MEAK7: variants seen among roughly 807,000 people sequenced by gnomAD.
MEAK7 encodes MTOR-associated protein MEAK7.
MEAK7 carries 68 observed loss-of-function variants against 40.5 expected under a neutral mutation model. The ratio of observed to expected loss-of-function variants is 1.68; its 90% confidence interval spans 1.38 to 2.06. The LOEUF is 2.06. Ranked by LOEUF, MEAK7 falls within the 30% of genes most tolerant of loss-of-function variation. The pLI is 0.00. For missense variants in MEAK7, 918 were observed against 580.5 expected, an observed-to-expected ratio of 1.58 and a Z score of -5.98; for synonymous variants, 338 against 231.9, an observed-to-expected ratio of 1.46 and a Z score of -4.16.
rs565242328 is a variant in MEAK7, at chr16:84,495,674, C to A, written c.384+9G>T. ...GAGGAGGCTGCAAAGGACCTCGCGG[C>A]CTCACTACCTTTTGGACTTCTCTGG... On this transcript the variant is annotated intron_variant, in intron 3 of 7. Coordinates refer to ENST00000343629, the MANE Select transcript of MEAK7 (RefSeq NM_020947.4). The A allele has an allele frequency of 4.5e-5, 72 of 1,614,036 alleles. 1 individual carries two copies. The East Asian group carries it at 1.1e-3, about 25-fold the overall frequency.
intron 2 of MEAK7, chr16:84,497,457 T>G: frequency 7.8e-7 from 1 of 1,289,862 alleles, no homozygotes; most frequent in Non-Finnish European, 1.0e-6. Context: ...ACGTCATGGT[T>G]CCTGGACCGA....
chr16:84,497,919 G>A lies in MEAK7; in HGVS notation c.153+15C>T. On this transcript the variant is annotated intron_variant, in intron 2 of 7. Coordinates refer to ENST00000343629, the MANE Select transcript of MEAK7 (RefSeq NM_020947.4). ...TGCTCCCAACTAAACATGAACCACG[G>A]GTTGTTACTCTTGCCTGTAGTGCCT... 6.2e-7 allele frequency: 1 copy of A among 1,614,144 alleles called. No homozygotes were observed. Among genetic ancestry groups the A allele is most frequent in the Non-Finnish European group, 8.5e-7 (1 of 1,180,024 alleles).
In MEAK7 at chr16:84,497,953, A is replaced by G. The variant is rs200259993; in HGVS notation, c.134T>C (p.Phe45Ser). Reference protein sequence around the residue: ...KNSPNVSSKSFSLKALQNHVG... With the variant: ...KNSPNVSSKSSSLKALQNHVG... ...TCTTGCCTGTAGTGCCTTCAGAGAG[A>G]AGGATTTGGATGAGACATTCGGGCT... Residue 45 changes from phenylalanine to serine, a missense_variant, in exon 2 of 8, where the codon TTC becomes TCC. By Grantham distance (155) the Phe-to-Ser change is radical (BLOSUM62 -2). Coordinates refer to ENST00000343629, the MANE Select transcript of MEAK7 (RefSeq NM_020947.4). 214 of 1,614,036 alleles carry G rather than the reference A, an allele frequency of 1.3e-4. No individual in the cohort carries two copies. Among genetic ancestry groups the G allele is most frequent in the Non-Finnish European group, 1.8e-4 (209 of 1,180,034 alleles).
At chr16:84,490,659 TG>T (rs1913513926) in intron 3 of MEAK7, among the ~76,000 whole-genome samples, 3 of 128,098 alleles carry the variant, frequency 2.3e-5, no homozygotes, top group African/African-American at 1.1e-4. Flanking sequence ...TCAAGATGTG[TG>T]TGTGTGTGTG....
chr16:84,485,739 G>A (rs1442114187), intron 5 of MEAK7, among the ~76,000 whole-genome samples: 1 of 152,198 alleles, frequency 6.6e-6, no homozygotes, highest in Non-Finnish European at 1.5e-5. Flanking sequence ...CTGGAGTGCG[G>A]TGGTATGATC....
intron 5 of MEAK7, among the ~76,000 whole-genome samples, chr16:84,483,740 G>A (rs566408784): frequency 6.6e-6 from 1 of 152,310 alleles, no homozygotes; most frequent in Admixed American, 6.5e-5. Flanking sequence ...AGGCTTCTGG[G>A]AGGCAGCTTC....
chr16:84,497,956 G>A lies in MEAK7; in HGVS notation c.131C>T (p.Ser44Phe), dbSNP rs150414475. Residue 44 changes from serine to phenylalanine, a missense_variant, in exon 2 of 8, where the codon TCC becomes TTC. By Grantham distance (155) the Ser-to-Phe change is radical. Coordinates refer to ENST00000343629, the MANE Select transcript of MEAK7 (RefSeq NM_020947.4). ...TGCCTGTAGTGCCTTCAGAGAGAAG[G>A]ATTTGGATGAGACATTCGGGCTGTT... is the stretch of plus-strand genomic sequence containing the variant. ...DKNSPNVSSK[S>F]FSLKALQNHV... 829 of 1,614,222 alleles carry A rather than the reference G, an allele frequency of 5.1e-4. 4 individuals are homozygous for A. The African/African-American group carries it at 0.01, about 20-fold the overall frequency.
At chr16:84,496,581 G>C (rs1238240595) in intron 2 of MEAK7, among the ~76,000 whole-genome samples, 1 of 152,164 alleles carries the variant, frequency 6.6e-6, no homozygotes, top group Non-Finnish European at 1.5e-5. Flanking sequence ...CTCATCGTGA[G>C]CCGTATCAGT....
At chr16:84,489,827 A>C (rs1777503427) in intron 3 of MEAK7, among the ~76,000 whole-genome samples, 1 of 152,150 alleles carries the variant, frequency 6.6e-6, no homozygotes, top group Non-Finnish European at 1.5e-5. Flanking sequence ...TGCTTCCAAA[A>C]AGGAAGGCAA....
rs147640080 is a variant in MEAK7, at chr16:84,499,320, G to C, written c.-25-1209C>G. Reference sequence around the variant, plus strand: ...TTTTCCGGAAACCCAGTGTCAATGAGACTGCTGGAGAGAAAACGACCTTCT... The same window carrying C: ...TTTTCCGGAAACCCAGTGTCAATGACACTGCTGGAGAGAAAACGACCTTCT... On this transcript the variant is annotated intron_variant, in intron 1 of 7. Transcript: ENST00000343629. Among the ~76,000 whole-genome samples the C allele has an allele frequency of 1.3e-4, 20 of 152,286 alleles. 1 individual carries two copies. The highest frequency in any genetic ancestry group is 4.3e-4 in the African/African-American group (18 of 41,558).
chr16:84,498,736 A>C (rs1433255971), intron 1 of MEAK7, among the ~76,000 whole-genome samples: 1 of 152,204 alleles, frequency 6.6e-6, no homozygotes, highest in African/African-American at 2.4e-5. Context: ...GGACAAAAAA[A>C]TCTGTATTTT....
At chr16:84,504,129 C>G (rs1039688918) in intron 1 of MEAK7, 13 of 985,404 alleles carry the variant, frequency 1.3e-5, no homozygotes, top group Middle Eastern at 1.0e-3. Context: ...GGCCTGGGAA[C>G]AGTTATCAGC....
intron 3 of MEAK7, among the ~76,000 whole-genome samples, chr16:84,494,568 C>T (rs937716627): frequency 6.6e-6 from 1 of 152,278 alleles, no homozygotes; most frequent in African/African-American, 2.4e-5. Context: ...GAACCATTTT[C>T]GTACCTGCCT....
At chr16:84,497,676 T>A (rs1411124140) in intron 2 of MEAK7, 3 of 1,467,164 alleles carry the variant, frequency 2.0e-6, no homozygotes, top group Non-Finnish European at 1.8e-6. Flanking sequence ...ACTATTGATT[T>A]CAAAAACGGG....
At chr16:84,495,021 C>A (rs1468280101) in intron 3 of MEAK7, among the ~76,000 whole-genome samples, 3 of 152,180 alleles carry the variant, frequency 2.0e-5, no homozygotes, top group African/African-American at 4.8e-5. Flanking sequence ...ATAATCCTAC[C>A]ACTTTGGGAG....
At position 84,489,325 on chromosome 16, in the gene MEAK7, C is replaced by A. The variant is rs148973129; in HGVS notation, c.482G>T (p.Arg161Leu). 4 of 1,614,136 alleles carry A rather than the reference C, an allele frequency of 2.5e-6. No individual in the cohort carries two copies. The highest frequency in any genetic ancestry group is 1.3e-5 in the African/African-American group (1 of 75,054). The change falls in exon 4 of 8, where the codon CGG becomes CTG. Residue 161 changes from arginine to leucine, a missense_variant. Coordinates refer to ENST00000343629, the MANE Select transcript of MEAK7 (RefSeq NM_020947.4). ...CAGCTGAGCAGCCAGCACCTGCACC[C>A]GGGGGTTGGGCCCTGGGGCTTCCTT... ...TGKEAPGPNPRVQVLAAQLLS... is the reference protein window; with the variant it reads ...TGKEAPGPNPLVQVLAAQLLS...
chr16:84,499,248 C>A (rs1162580787), intron 1 of MEAK7, among the ~76,000 whole-genome samples: 1 of 152,196 alleles, frequency 6.6e-6, no homozygotes, highest in Non-Finnish European at 1.5e-5. Flanking sequence ...AACAAAAAAT[C>A]TCTCAAGAGG....
Position 84,480,706 on chromosome 16 carries a change from A to G in MEAK7, c.1080T>C (p.Gly360=), listed in dbSNP as rs1597918301. The G allele has an allele frequency of 6.2e-7, 1 of 1,609,644 alleles. No individual in the cohort carries two copies. Among genetic ancestry groups the G allele is most frequent in the East Asian group, 2.2e-5 (1 of 44,700 alleles). Residue 360 remains glycine (G), a splice_region_variant and synonymous_variant, in exon 7 of 8, where the codon GGT becomes GGC. Transcript: ENST00000343629. ...CAAAGTAATTGTGCTGCCCCCCCAT[A>G]CCCTGCAAAGGAAGCCAGGACAGAG... ...HGQQTIPNGL[G]MGGQHNYFGL...
At position 84,495,609 on chromosome 16, in the gene MEAK7, AC is replaced by A. The variant is rs1424821749; in HGVS notation, c.384+73del. On this transcript the variant is annotated intron_variant, in intron 3 of 7. Transcript: ENST00000343629. ...GGTTTACTCCTCCATGTGCCATGTA[AC>A]TGGCCTCCATCCCCCCACCGATGGT... The A allele has an allele frequency of 1.4e-4, 201 of 1,413,276 alleles. 2 individuals carry two copies. The East Asian group carries it at 4.6e-3, about 32-fold the overall frequency. The allele number at this position is 1,413,276 out of a possible 1,614,324, so 87.5% of individuals were successfully genotyped here.
Sources: gnomAD v4.1 joint callset for allele counts (sites outside exome capture counted in the v4.1 genomes callset) on GRCh38, gnomAD v4.1.1 for gene constraint, MANE v1.5 for transcripts, NCBI Gene and HGNC (gene_info 2026-07-23, HGNC 2026-07-21) for gene names.